SHB: variants seen among roughly 807,000 people sequenced by gnomAD.
The protein encoded by SHB is SH2 domain containing adaptor protein B.
A neutral mutation model predicts 52.3 loss-of-function variants in SHB; 20 were observed. The ratio of observed to expected loss-of-function variants is 0.38; its 90% CI spans 0.27 to 0.56. The LOEUF (loss-of-function observed/expected upper bound fraction) is 0.56. SHB is among the 20% of genes least tolerant of loss of function. SHB has a pLI of 0.71. For missense variants in SHB, 825 were observed against 723.3 expected (o/e 1.14, Z -1.61); for synonymous variants, 397 against 316.5 (o/e 1.25, Z -2.70).
In SHB at chr9:37,951,491, C is replaced by T. The variant is rs147544864; in HGVS notation, c.1227-2737G>A. Among the ~76,000 whole-genome samples, 298 of 152,288 alleles carry T rather than the reference C, an allele frequency of 2.0e-3. 1 individual carries two copies. The highest frequency in any genetic ancestry group is 6.9e-3 in the African/African-American group (286 of 41,554). On this transcript the variant is annotated intron_variant, in intron 4 of 5. Transcript: ENST00000377707. ...AGTTAACAGGTTTGGGAAGGCTGTCCTCTGGGAGATTTCACTGTGTAACAC... is the reference window on the plus strand; with the variant it reads ...AGTTAACAGGTTTGGGAAGGCTGTCTTCTGGGAGATTTCACTGTGTAACAC...
chr9:38,049,563 G>A (rs1429445508), intron 1 of SHB, among the ~76,000 whole-genome samples: 3 of 147,548 alleles, frequency 2.0e-5, no homozygotes, highest in Non-Finnish European at 3.0e-5. Flanking sequence ...GTGAGCTATC[G>A]CACCACTGCA....
Position 37,941,465 on chromosome 9 carries a change from G to A in SHB, c.1346+7170C>T, listed in dbSNP as rs866876930. Among the ~76,000 whole-genome samples, 4 of 152,338 alleles carry A rather than the reference G, an allele frequency of 2.6e-5. No individual in the cohort carries two copies. In the South Asian group the frequency reaches 8.3e-4, roughly 32 times the overall value. ...GCTGGGTTTCAAGAGCCTAAGCCAA[G>A]ACCCAGAGCCATTGTCTTCACCGCT... On this transcript the variant is annotated intron_variant, in intron 5 of 5. Transcript: ENST00000377707.
At chr9:38,018,578 A>G (rs1409319836) in intron 1 of SHB, among the ~76,000 whole-genome samples, 1 of 152,250 alleles carries the variant, frequency 6.6e-6, no homozygotes, top group Non-Finnish European at 1.5e-5. Flanking sequence ...TGTATATTTA[A>G]TCAATTTGCT....
chr9:38,067,970 C>A lies in SHB; in HGVS notation c.676G>T (p.Ala226Ser). 1 of 1,552,364 alleles carries A rather than the reference C, an allele frequency of 6.4e-7. No homozygotes were observed. The highest frequency in any genetic ancestry group is 8.6e-7 in the Non-Finnish European group (1 of 1,158,992). Residue 226 changes from alanine (A) to serine (S), a missense_variant, in exon 1 of 6, where the codon GCC (alanine) becomes TCC (serine). Coordinates refer to ENST00000377707, the MANE Select transcript of SHB (RefSeq NM_003028.3). ...GGKKLLNKCA[A>S]SAAEESGAGK... ...GCCCCGCTCTCCTCCGCGGCTGAGG[C>A]GGCGCACTTGTTGAGCAGTTTCTTG...
At chr9:37,940,274 T>C (rs1436018760) in intron 5 of SHB, among the ~76,000 whole-genome samples, 1 of 152,198 alleles carries the variant, frequency 6.6e-6, no homozygotes, top group Non-Finnish European at 1.5e-5. Flanking sequence ...CAGGGCACAT[T>C]TTCTCAGTAA....
intron 5 of SHB, among the ~76,000 whole-genome samples, chr9:37,929,425 G>C (rs74876757): frequency 2.0e-5 from 3 of 152,228 alleles, no homozygotes; most frequent in Admixed American, 6.5e-5. Context: ...ACTGACGCCA[G>C]TGCAGGACTC....
chr9:38,004,254 G>T (rs1448317344), intron 2 of SHB, among the ~76,000 whole-genome samples: 1 of 152,222 alleles, frequency 6.6e-6, no homozygotes, highest in Non-Finnish European at 1.5e-5. Flanking sequence ...CACCTGAGCA[G>T]AAAACTGAAT....
chr9:37,920,320 C>CAAAACAA (rs1479628478), intron 5 of SHB, among the ~76,000 whole-genome samples: 2 of 146,380 alleles, frequency 1.4e-5, no homozygotes, highest in African/African-American at 5.2e-5. Context: ...CAAAACAAAA[C>CAAAACAA]AAAACAAAAC....
intron 5 of SHB, among the ~76,000 whole-genome samples, chr9:37,942,766 A>T (rs2117873653): frequency 6.6e-6 from 1 of 152,246 alleles, no homozygotes. Context: ...GTCCCTCTCC[A>T]TCTTGAAAAG....
At chr9:38,062,049 A>C (rs1000799821) in intron 1 of SHB, among the ~76,000 whole-genome samples, 7 of 152,250 alleles carry the variant, frequency 4.6e-5, no homozygotes, top group African/African-American at 1.7e-4. Context: ...ACACCAAAGC[A>C]AAGGCTGAAA....
intron 4 of SHB, 23 bp downstream of exon 4, chr9:37,955,860 G>A (rs1214815033): frequency 6.2e-7 from 1 of 1,605,064 alleles, no homozygotes; most frequent in Non-Finnish European, 8.5e-7. Context: ...AGGTGAGGTT[G>A]GGCTTTGCTC....
intron 1 of SHB, among the ~76,000 whole-genome samples, chr9:38,052,370 T>G (rs1210067684): frequency 6.6e-6 from 1 of 152,216 alleles, no homozygotes. Context: ...TCAGACTCCG[T>G]GACCCCAGCA....
intron 1 of SHB, among the ~76,000 whole-genome samples, chr9:38,017,053 G>C (rs538928575): frequency 2.0e-5 from 3 of 152,298 alleles, no homozygotes; most frequent in Admixed American, 6.5e-5. Flanking sequence ...AAAAATTCTC[G>C]ATTGCAGGCT....
At chr9:37,974,080 C>A (rs1406130135) in intron 3 of SHB, among the ~76,000 whole-genome samples, 1 of 152,116 alleles carries the variant, frequency 6.6e-6, no homozygotes, top group African/African-American at 2.4e-5. Flanking sequence ...CATAGTGAAA[C>A]CCCGTCTCTA....
intron 2 of SHB, among the ~76,000 whole-genome samples, chr9:37,975,318 G>A (rs996185461): frequency 6.6e-6 from 1 of 152,142 alleles, no homozygotes; most frequent in Non-Finnish European, 1.5e-5. Flanking sequence ...TCATTTAAAA[G>A]AACCAACAAG....
chr9:38,020,694 A>C (rs1212685330), intron 1 of SHB, among the ~76,000 whole-genome samples: 1 of 152,118 alleles, frequency 6.6e-6, no homozygotes, highest in Non-Finnish European at 1.5e-5. Flanking sequence ...AAATCTCACA[A>C]ATCACCACTA....
chr9:37,920,129 C>T, intron 5 of SHB, 125 bp from the exon 6 acceptor site: 4 of 720,738 alleles, frequency 5.5e-6, no homozygotes, highest in Non-Finnish European at 9.4e-6. Flanking sequence ...TGCACCTCTC[C>T]AAGCCAGGAC....
intron 1 of SHB, among the ~76,000 whole-genome samples, chr9:38,057,278 G>A (rs1188104470): frequency 6.6e-6 from 1 of 151,968 alleles, no homozygotes; most frequent in Non-Finnish European, 1.5e-5. Flanking sequence ...AATATAGACG[G>A]TATCACTTAA....
At chr9:37,946,228 C>A (rs1832489719) in intron 5 of SHB, among the ~76,000 whole-genome samples, 1 of 152,206 alleles carries the variant, frequency 6.6e-6, no homozygotes, top group Non-Finnish European at 1.5e-5. Context: ...CACAGCTGGG[C>A]CCTTGGGACT....
Sources: gnomAD v4.1 joint callset for allele counts (sites outside exome capture counted in the v4.1 genomes callset) on GRCh38, gnomAD v4.1.1 for gene constraint, MANE v1.5 for transcripts, NCBI Gene and HGNC (gene_info 2026-07-23, HGNC 2026-07-21) for gene names.